PCDHA7: variants seen among roughly 807,000 people sequenced by gnomAD.
The protein encoded by PCDHA7 is protocadherin alpha 7.
PCDHA7 carries 37 observed loss-of-function variants against 57.2 expected under a neutral mutation model. The observed-to-expected ratio is 0.65, with a 90% CI of 0.50 to 0.85. The LOEUF (loss-of-function observed/expected upper bound fraction) is 0.85. PCDHA7 is among the 40% of genes least tolerant of loss of function. The probability of loss-of-function intolerance (pLI) is 0.00; values close to 1 mark genes in which losing one functional copy is unlikely to be tolerated. For missense variants in PCDHA7, 1,188 were observed against 1,241.8 expected (o/e 0.96, Z 0.65); for synonymous variants, 553 against 558.8 (o/e 0.99, Z 0.15).
At chr5:140,985,373 C>T (rs1228293287) in intron 3 of PCDHA7, among the ~76,000 whole-genome samples, 1 of 152,106 alleles carries the variant, frequency 6.6e-6, no homozygotes, top group Non-Finnish European at 1.5e-5. Flanking sequence ...TTATCTGGGT[C>T]TATATAATCC....
At chr5:140,915,694 G>A (rs2077262169) in intron 1 of PCDHA7, among the ~76,000 whole-genome samples, 1 of 151,538 alleles carries the variant, frequency 6.6e-6, no homozygotes, top group African/African-American at 2.4e-5. Flanking sequence ...GTATGGTGAT[G>A]CAAGCACTCC....
At chr5:140,927,195 C>T in intron 1 of PCDHA7, 1 of 1,614,118 alleles carries the variant, frequency 6.2e-7, no homozygotes, top group Non-Finnish European at 8.5e-7. Flanking sequence ...ACCTGGTGCT[C>T]GAGGACCCGC....
At chr5:140,898,864 A>C (rs1401711928) in intron 1 of PCDHA7, among the ~76,000 whole-genome samples, 3 of 149,656 alleles carry the variant, frequency 2.0e-5, no homozygotes, top group African/African-American at 7.5e-5. Flanking sequence ...CTTTTATTTC[A>C]TTGAGCAGTG....
At chr5:140,967,669 G>C in intron 1 of PCDHA7, 9 of 1,614,126 alleles carry the variant, frequency 5.6e-6, no homozygotes, top group Non-Finnish European at 7.6e-6. Flanking sequence ...GCTACACGTC[G>C]GACCGGGAGA....
intron 1 of PCDHA7, chr5:140,929,043 C>T: frequency 6.2e-7 from 1 of 1,614,196 alleles, no homozygotes; most frequent in South Asian, 1.1e-5. Flanking sequence ...GCGCTCAGAG[C>T]TGCTGTCGCT....
intron 3 of PCDHA7, among the ~76,000 whole-genome samples, chr5:140,987,372 A>G (rs1357478474): frequency 6.6e-6 from 1 of 152,204 alleles, no homozygotes; most frequent in Non-Finnish European, 1.5e-5. Flanking sequence ...ATATCATTAC[A>G]GGGTCAGAAT....
At chr5:140,956,724 C>T (rs2095305540) in intron 1 of PCDHA7, among the ~76,000 whole-genome samples, 1 of 152,176 alleles carries the variant, frequency 6.6e-6, no homozygotes, top group South Asian at 2.1e-4. Flanking sequence ...AGAATTGGTA[C>T]CAGCTCCTCT....
At chr5:140,843,005 G>T in intron 1 of PCDHA7, 1 of 1,595,030 alleles carries the variant, frequency 6.3e-7, no homozygotes, top group East Asian at 2.2e-5. Flanking sequence ...GAATGACAAC[G>T]CGCCGGCACT....
At position 140,927,806 on chromosome 5, in the gene PCDHA7, T is replaced by C. The variant is rs1554205074; in HGVS notation, c.2356-51143T>C. 4 of 1,614,004 alleles carry C rather than the reference T, an allele frequency of 2.5e-6. No individual in the cohort carries two copies. In the African/African-American group the frequency reaches 5.3e-5, roughly 22 times the overall value. On this transcript the variant is annotated intron_variant, in intron 1 of 3. Transcript: ENST00000525929. ...GCTTCACTAGGTCCGCCTGAAACGC[T>C]CTTGGAGGCATACATTGAGGCGAGG...
chr5:140,960,606 T>C (rs565459983), intron 1 of PCDHA7, among the ~76,000 whole-genome samples: 2 of 152,176 alleles, frequency 1.3e-5, no homozygotes, highest in African/African-American at 4.8e-5. Context: ...ACTTCAACAA[T>C]ATCTAGTGTG....
chr5:140,874,124 T>G (rs926046559), intron 1 of PCDHA7, among the ~76,000 whole-genome samples: 6 of 152,266 alleles, frequency 3.9e-5, no homozygotes, highest in Admixed American at 3.3e-4. Context: ...TTATAGTTTA[T>G]TTAAGTTATC....
rs199811254 is a variant in PCDHA7 at position 140,877,222 on chromosome 5, T to C, written c.2355+40484T>C. 9.3e-5 allele frequency: 150 copies of C among 1,613,562 alleles called. No homozygotes were observed. Among genetic ancestry groups the C allele is most frequent in the Admixed American group, 2.2e-4 (13 of 59,972 alleles). Reference sequence around the variant, plus strand: ...CGCAGTTAGCGAGTTGGTACCGCGGTCGGTGGGTGCGGGCCACGTGGTGGC... The same window carrying C: ...CGCAGTTAGCGAGTTGGTACCGCGGCCGGTGGGTGCGGGCCACGTGGTGGC... On this transcript the variant is annotated intron_variant, in intron 1 of 3. Transcript: ENST00000525929.
In PCDHA7 at chr5:140,858,646, T is replaced by C. The variant is rs542211136; in HGVS notation, c.2355+21908T>C. 2.7e-5 allele frequency: 22 copies of C among 817,764 alleles called. 1 individual carries two copies. In the African/African-American group the frequency reaches 3.5e-4, roughly 13 times the overall value. 50.7% of individuals were successfully genotyped at this position (817,764 alleles called of 1,614,324 possible). A position where few individuals can be genotyped will look rare whatever the true frequency, so the allele number is the denominator to read the frequency against. On this transcript the variant is annotated intron_variant, in intron 1 of 3. Coordinates refer to ENST00000525929, the MANE Select transcript of PCDHA7 (RefSeq NM_018910.3). ...AGTGTGTCAGCCTTTGATTGGTACT[T>C]AAATTTTTTTAAATAACAATTTATT...
chr5:140,998,240 A>G (rs2097802500), intron 3 of PCDHA7, among the ~76,000 whole-genome samples: 1 of 152,188 alleles, frequency 6.6e-6, no homozygotes, highest in Non-Finnish European at 1.5e-5. Context: ...GTGCATTATT[A>G]TACTCATTTT....
At chr5:140,917,329 G>GGGGGGGGGGGGT (rs1563018868) in intron 1 of PCDHA7, among the ~76,000 whole-genome samples, 1 of 143,928 alleles carries the variant, frequency 6.9e-6, no homozygotes, top group Non-Finnish European at 1.5e-5. Context: ...TGTGGCGGGG[G>GGGGGGGGGGGGT]AGGGGGGGGA....
intron 1 of PCDHA7, among the ~76,000 whole-genome samples, chr5:140,891,210 G>A (rs2062986388): frequency 1.3e-5 from 2 of 152,180 alleles, no homozygotes; most frequent in South Asian, 4.1e-4. Context: ...TTACCATGCT[G>A]TGTCTTTATA....
intron 1 of PCDHA7, chr5:140,848,530 A>G (rs2150412055): frequency 6.3e-7 from 1 of 1,594,630 alleles, no homozygotes; most frequent in Non-Finnish European, 8.6e-7. Context: ...CCAGAGGGTC[A>G]GCCTCTACTG....
intron 1 of PCDHA7, chr5:140,871,557 T>C (rs2053187983): frequency 1.3e-6 from 2 of 1,489,740 alleles, no homozygotes. Flanking sequence ...AATCCAGTTT[T>C]TTTTCACGGA....
chr5:140,897,311 C>T (rs1460942002), intron 1 of PCDHA7, among the ~76,000 whole-genome samples: 7 of 150,308 alleles, frequency 4.7e-5, no homozygotes, highest in Non-Finnish European at 7.4e-5. Context: ...TTAGGTATAT[C>T]TCCTAAAGCT....
Sources: gnomAD v4.1 joint callset for allele counts (sites outside exome capture counted in the v4.1 genomes callset) on GRCh38, gnomAD v4.1.1 for gene constraint, MANE v1.5 for transcripts, NCBI Gene and HGNC (gene_info 2026-07-23, HGNC 2026-07-21) for gene names.